The following CSMD1 variants were observed in gnomAD, a reference collection of about 807,000 sequenced individuals.
CSMD1 encodes the protein CUB and sushi domain-containing protein 1.
Under a neutral mutation model 417.5 loss-of-function variants are expected in CSMD1, and 213 were observed. The observed-to-expected ratio is 0.51, with a 90% CI of 0.46 to 0.57. CSMD1 has a LOEUF of 0.57. Among genes scored for constraint, CSMD1 ranks in the 20% least tolerant of loss-of-function variants. CSMD1 has a pLI of 0.00. For missense variants in CSMD1, 6,923 were observed against 4,529.7 expected (o/e 1.53, Z -15.17); for synonymous variants, 2,862 against 1,736.8 (o/e 1.65, Z -16.11).
chr8:4,832,710 C>A (rs753174967), intron 1 of CSMD1, among the ~76,000 whole-genome samples: 3 of 152,070 alleles, frequency 2.0e-5, no homozygotes, highest in Non-Finnish European at 2.9e-5. Context: ...CAAAGATTTC[C>A]ATTTAATTGT....
intron 10 of CSMD1, among the ~76,000 whole-genome samples, chr8:3,521,249 A>T (rs1797496461): frequency 6.6e-6 from 1 of 152,168 alleles, no homozygotes; most frequent in Non-Finnish European, 1.5e-5. Flanking sequence ...TGATTTCCCC[A>T]GGGATTCGTC....
chr8:4,250,544 A>G (rs962345160), intron 3 of CSMD1, among the ~76,000 whole-genome samples: 7 of 152,130 alleles, frequency 4.6e-5, no homozygotes, highest in Non-Finnish European at 7.4e-5. Flanking sequence ...TCAACCCTCA[A>G]AAGTTTAGAA....
chr8:3,377,172 C>G (rs913186092), intron 18 of CSMD1, among the ~76,000 whole-genome samples: 3 of 152,106 alleles, frequency 2.0e-5, no homozygotes, highest in Non-Finnish European at 2.9e-5. Flanking sequence ...ATACCCCCAG[C>G]TAATTTTTGT....
intron 3 of CSMD1, among the ~76,000 whole-genome samples, chr8:4,233,741 T>G (rs143188012): frequency 6.6e-6 from 1 of 152,312 alleles, no homozygotes; most frequent in African/African-American, 2.4e-5. Context: ...AAAATAAAGA[T>G]GTAAGATCTC....
At chr8:3,908,274 A>G (rs1808240311) in intron 5 of CSMD1, among the ~76,000 whole-genome samples, 1 of 152,196 alleles carries the variant, frequency 6.6e-6, no homozygotes, top group African/African-American at 2.4e-5. Flanking sequence ...AGGTTCATCA[A>G]GAAATCTTCC....
At chr8:2,967,146 CTGAAGCATCTTCCTTTA>C (rs1229441638) in intron 57 of CSMD1, among the ~76,000 whole-genome samples, 1 of 152,212 alleles carries the variant, frequency 6.6e-6, no homozygotes, top group African/African-American at 2.4e-5. Context: ...ATTAGCAACA[CTGAAGCATCTTCCTTTA>C]TGTAATCACT....
At position 3,288,850 on chromosome 8, in the gene CSMD1, A is replaced by G. The variant is rs1260260764; in HGVS notation, c.3951-4504T>C. ...TATTTTATTTTATTATTATACTTTA[A>G]GTTTTAGGGTACATGTGCACAACCT... On this transcript the variant is annotated intron_variant, in intron 25 of 69. Transcript: ENST00000635120. 1.4e-5 allele frequency among the ~76,000 whole-genome samples: 2 copies of G among 146,454 alleles called. 1 individual carries two copies. The highest frequency in any genetic ancestry group is 5.5e-5 in the African/African-American group (2 of 36,582).
chr8:3,950,370 G>A (rs1313734987), intron 5 of CSMD1, among the ~76,000 whole-genome samples: 1 of 152,182 alleles, frequency 6.6e-6, no homozygotes, highest in African/African-American at 2.4e-5. Flanking sequence ...TAAGAACAGG[G>A]AAAACTCTCC....
intron 3 of CSMD1, among the ~76,000 whole-genome samples, chr8:4,112,984 G>C (rs1012821548): frequency 1.1e-4 from 16 of 152,064 alleles, no homozygotes; most frequent in African/African-American, 3.6e-4. Context: ...TTCAAAAGTT[G>C]TTGTTATTAT....
At chr8:3,553,638 C>G (rs1210167592) in intron 10 of CSMD1, among the ~76,000 whole-genome samples, 1 of 152,110 alleles carries the variant, frequency 6.6e-6, no homozygotes, top group Non-Finnish European at 1.5e-5. Context: ...ACAGTAAAAT[C>G]TTGAAAACAA....
At position 4,441,165 on chromosome 8, in the gene CSMD1, C is replaced by G. The variant is rs191173953; in HGVS notation, c.303-21100G>C. 2.4e-3 allele frequency among the ~76,000 whole-genome samples: 281 copies of G among 119,450 alleles called. 1 individual carries two copies. Among genetic ancestry groups the G allele is most frequent in the Non-Finnish European group, 3.9e-3 (240 of 61,676 alleles). The allele number at this position is 119,450 out of a possible 152,430, so 78.4% of individuals were successfully genotyped here. On this transcript the variant is annotated intron_variant, in intron 2 of 69. Transcript: ENST00000635120. ...CTAAGCTAGAGTGCAGTGGTACAAC[C>G]TTGGTTCACTGCAGTCTCAAACTCC...
At position 3,024,092 on chromosome 8, in the gene CSMD1, A is replaced by G. The variant is rs77035358; in HGVS notation, c.7855+5227T>C. ...ATTTCCTGGGGTTTATCACACACTT[A>G]TTTAATAGTAAATTATATTATTACC... On this transcript the variant is annotated intron_variant, in intron 51 of 69. Transcript: ENST00000635120. Among the ~76,000 whole-genome samples the G allele has an allele frequency of 5.9e-3, 891 of 152,142 alleles. 7 individuals are homozygous for G. Among genetic ancestry groups the G allele is most frequent in the South Asian group, 0.024 (118 of 4,824 alleles).
chr8:3,928,802 T>A (rs1809934108), intron 5 of CSMD1, among the ~76,000 whole-genome samples: 1 of 125,396 alleles, frequency 8.0e-6, no homozygotes, highest in African/African-American at 3.0e-5. Flanking sequence ...GGGCCAGTTC[T>A]ATGCATTCCC....
intron 10 of CSMD1, among the ~76,000 whole-genome samples, chr8:3,508,742 TATC>T (rs566158136): frequency 7.0e-4 from 107 of 152,242 alleles, no homozygotes; most frequent in Admixed American, 7.2e-4. Flanking sequence ...CAAATAAAAT[TATC>T]ATTCTATTTA....
chr8:4,378,854 T>A (rs1233707281), intron 3 of CSMD1, among the ~76,000 whole-genome samples: 1 of 152,158 alleles, frequency 6.6e-6, no homozygotes, highest in Non-Finnish European at 1.5e-5. Flanking sequence ...GCATAATCTA[T>A]GAAACAGAGA....
At chr8:4,562,855 C>T (rs1300425254) in intron 2 of CSMD1, among the ~76,000 whole-genome samples, 1 of 152,078 alleles carries the variant, frequency 6.6e-6, no homozygotes, top group African/African-American at 2.4e-5. Flanking sequence ...CAAATGCCTC[C>T]AAAATACCCA....
At chr8:3,820,138 G>A (rs983674592) in intron 5 of CSMD1, among the ~76,000 whole-genome samples, 1 of 152,096 alleles carries the variant, frequency 6.6e-6, no homozygotes, top group Non-Finnish European at 1.5e-5. Context: ...TCTTGACCCT[G>A]GTCAGTTTAA....
At chr8:4,274,003 A>ATT (rs1191254960) in intron 3 of CSMD1, among the ~76,000 whole-genome samples, 1 of 152,068 alleles carries the variant, frequency 6.6e-6, no homozygotes, top group Non-Finnish European at 1.5e-5. Flanking sequence ...AACCGCATGC[A>ATT]TTTTTTCAGC....
chr8:3,115,845 A>C (rs181606792), intron 42 of CSMD1, among the ~76,000 whole-genome samples: 107 of 152,322 alleles, frequency 7.0e-4, no homozygotes, highest in African/African-American at 2.5e-3. Context: ...AGTTGTTTAA[A>C]GTATCTGTGT....
Sources: gnomAD v4.1 joint callset for allele counts (sites outside exome capture counted in the v4.1 genomes callset) on GRCh38, gnomAD v4.1.1 for gene constraint, MANE v1.5 for transcripts, NCBI Gene and HGNC (gene_info 2026-07-23, HGNC 2026-07-21) for gene names.